The following TTLL13 variants were observed in gnomAD, a reference collection of about 807,000 sequenced individuals.
The protein encoded by TTLL13 is tubulin polyglutamylase TTLL13.
chr15:90,257,021 CTATTTTACA>C, the TTLL13 span: 1 of 1,020,236 alleles, frequency 9.8e-7, no homozygotes, highest in Non-Finnish European at 1.4e-6. Flanking sequence ...ATAACAGTAA[CTATTTTACA>C]TGGTTATTGT....
the TTLL13 span, among the ~76,000 whole-genome samples, chr15:90,256,662 C>G: frequency 6.9e-6 from 1 of 144,164 alleles, no homozygotes; most frequent in Admixed American, 7.5e-5. Context: ...CCTTTCCTTC[C>G]CTTCCTTTCT....
the TTLL13 span, chr15:90,261,983 C>A: frequency 1.8e-4 from 270 of 1,517,718 alleles, no homozygotes; most frequent in Non-Finnish European, 2.1e-4. Flanking sequence ...CTACTCTTGA[C>A]TCACTGAGCT....
chr15:90,250,882 A>G, the TTLL13 span: 1 of 1,613,674 alleles, frequency 6.2e-7, no homozygotes, highest in Admixed American at 1.7e-5. Flanking sequence ...GAAGGCGGAA[A>G]CGCAGGTAAC....
chr15:90,263,473 G>A, the TTLL13 span: 2 of 494,020 alleles, frequency 4.0e-6, no homozygotes, highest in Non-Finnish European at 7.1e-6. Context: ...AGTGGCTTCT[G>A]TATAATTTTC....
the TTLL13 span, chr15:90,265,455 TAATTA>T: frequency 1.5e-6 from 2 of 1,343,400 alleles, no homozygotes; most frequent in Non-Finnish European, 1.9e-6. Context: ...ATCCGTACTT[TAATTA>T]AAGTTTATGC....
the TTLL13 span, chr15:90,261,873 C>G: frequency 8.9e-6 from 6 of 673,120 alleles, no homozygotes; most frequent in East Asian, 3.0e-5. Context: ...GGCTTGGCAG[C>G]TTTCCCTACT....
At chr15:90,259,534 G>A in the TTLL13 span, among the ~76,000 whole-genome samples, 4 of 152,050 alleles carry the variant, frequency 2.6e-5, no homozygotes, top group Admixed American at 6.6e-5. Flanking sequence ...TATATAGTAC[G>A]CATTTAATAT....
the TTLL13 span, chr15:90,253,367 G>A: frequency 6.2e-7 from 1 of 1,610,514 alleles, no homozygotes; most frequent in Non-Finnish European, 8.5e-7. Flanking sequence ...AGAGGTTTCA[G>A]GTACCCATCT....
the TTLL13 span, chr15:90,262,490 A>G: frequency 6.8e-7 from 1 of 1,477,036 alleles, no homozygotes; most frequent in Non-Finnish European, 8.9e-7. Context: ...GTGTCTTGTC[A>G]GGCAGCAACT....
the TTLL13 span, chr15:90,264,870 ACT>A: frequency 6.5e-7 from 1 of 1,535,988 alleles, no homozygotes; most frequent in Non-Finnish European, 8.7e-7. Context: ...TCCATGGTAA[ACT>A]CTGAACACAG....
At chr15:90,256,961 C>T in the TTLL13 span, among the ~76,000 whole-genome samples, 8 of 152,186 alleles carry the variant, frequency 5.3e-5, no homozygotes, top group South Asian at 2.1e-4. Flanking sequence ...GCTGGGATTA[C>T]AGGCATGAGC....
the TTLL13 span, chr15:90,258,613 C>T: frequency 2.6e-6 from 2 of 782,598 alleles, no homozygotes; most frequent in South Asian, 1.7e-5. Context: ...CCTTGGAAGC[C>T]AGAGCATCCA....
At chr15:90,257,223 A>C in the TTLL13 span, 11 of 1,614,068 alleles carry the variant, frequency 6.8e-6, no homozygotes, top group Non-Finnish European at 9.3e-6. Context: ...TTCACATATG[A>C]GGAGGGCCTA....
At chr15:90,255,588 CT>C in the TTLL13 span, among the ~76,000 whole-genome samples, 6 of 152,088 alleles carry the variant, frequency 3.9e-5, no homozygotes, top group Admixed American at 3.3e-4. Context: ...TCTCACCTGC[CT>C]TAAGGAACCT....
chr15:90,265,216 A>G, the TTLL13 span: 1 of 1,351,730 alleles, frequency 7.4e-7, no homozygotes, highest in Admixed American at 3.3e-5. Context: ...TCTGCTCATC[A>G]AGCCTTAGCC....
chr15:90,250,497 G>A, the TTLL13 span: 1 of 1,109,314 alleles, frequency 9.0e-7, no homozygotes, highest in Non-Finnish European at 1.3e-6. Flanking sequence ...TTGTCCTGAA[G>A]GGGCAGCAAC....
the TTLL13 span, among the ~76,000 whole-genome samples, chr15:90,256,556 T>TCTTTCTTTCTTTCTTTC: frequency 2.5e-4 from 9 of 35,658 alleles, no homozygotes; most frequent in African/African-American, 1.0e-3. Context: ...TTTCTTTCTT[T>TCTTTCTTTCTTTCTTTC]CTTTCTTTCT....
chr15:90,254,650 C>A, the TTLL13 span, among the ~76,000 whole-genome samples: 2 of 151,388 alleles, frequency 1.3e-5, 1 homozygote, highest in South Asian at 4.2e-4. Flanking sequence ...CCAGCCTGGG[C>A]AACAGGCAAA....
chr15:90,256,583 TTCTTTCTTTC>T, the TTLL13 span, among the ~76,000 whole-genome samples: 5 of 36,286 alleles, frequency 1.4e-4, no homozygotes, highest in African/African-American at 5.5e-4. Flanking sequence ...CTTTCTTTCT[TTCTTTCTTTC>T]TTTCTTTCTT....
Sources: gnomAD v4.1 joint callset for allele counts (sites outside exome capture counted in the v4.1 genomes callset) on GRCh38, gnomAD v4.1.1 for gene constraint, MANE v1.5 for transcripts, NCBI Gene and HGNC (gene_info 2026-07-23, HGNC 2026-07-21) for gene names.